Variants in RNF157 observed in about 807,000 individuals in gnomAD.
The protein encoded by RNF157 is E3 ubiquitin ligase RNF157.
In RNF157, 55 loss-of-function variants were observed where a neutral mutation model predicts 88.3. That is an observed-to-expected ratio of 0.62 (90% CI 0.50 to 0.78). RNF157 has a LOEUF of 0.78. Among genes scored for constraint, RNF157 ranks in the 30% least tolerant of loss-of-function variants. RNF157 has a pLI of 0.00. For synonymous variants in RNF157, 334 were observed against 341.2 expected, an observed-to-expected ratio of 0.98 and a Z score of 0.23; for missense variants, 788 against 860.8, an observed-to-expected ratio of 0.92 and a Z score of 1.06.
intron 2 of RNF157, chr17:76,211,803 C>T (rs12601803): frequency 0.3 from 45,300 of 152,138 alleles, 7,381 homozygotes; most frequent in East Asian, 0.46. Context: ...AGAGAAGGTG[C>T]GCAATAGAAA....
intron 1 of RNF157, among the ~76,000 whole-genome samples, chr17:76,225,085 T>A (rs963056391): frequency 4.6e-5 from 7 of 152,138 alleles, no homozygotes; most frequent in Non-Finnish European, 7.4e-5. Context: ...GGCAGAAGAA[T>A]CGCTTGAACC....
At chr17:76,163,385 G>T (rs2068875039) in intron 8 of RNF157, 1 of 152,108 alleles carries the variant, frequency 6.6e-6, no homozygotes, top group African/African-American at 2.4e-5. Flanking sequence ...GGTAGAGACG[G>T]GGTTTCACCA....
intron 2 of RNF157, among the ~76,000 whole-genome samples, chr17:76,194,053 G>GT (rs1014981107): frequency 2.0e-5 from 3 of 152,128 alleles, no homozygotes; most frequent in Admixed American, 6.5e-5. Context: ...GGCACATTCT[G>GT]TTTTTTTGTT....
rs977424554 is a variant in RNF157 at position 76,162,806 on chromosome 17, A to G, written c.721-183T>C. 8.0e-6 allele frequency: 4 copies of G among 497,436 alleles called. No individual in the cohort carries two copies. In the East Asian group the frequency reaches 1.4e-4, roughly 17 times the overall value. The allele number at this position is 497,436 out of a possible 1,614,324, so 30.8% of individuals were successfully genotyped here. On this transcript the variant is annotated intron_variant, in intron 8 of 18. Coordinates refer to ENST00000269391, the MANE Select transcript of RNF157 (RefSeq NM_052916.3). ...ACTTATGTTTTCTCTTTGAGAGAAGAAAGAAAATCAAATATTTAATTCACC... is the reference window on the plus strand; with the variant it reads ...ACTTATGTTTTCTCTTTGAGAGAAGGAAGAAAATCAAATATTTAATTCACC...
chr17:76,223,931 AAC>A (rs1375704057), intron 1 of RNF157, among the ~76,000 whole-genome samples: 1 of 152,232 alleles, frequency 6.6e-6, no homozygotes, highest in African/African-American at 2.4e-5. Context: ...TAAGTATAAT[AAC>A]ACAGGGCAAG....
At chr17:76,210,515 G>A (rs1294249033) in intron 2 of RNF157, among the ~76,000 whole-genome samples, 3 of 144,630 alleles carry the variant, frequency 2.1e-5, no homozygotes, top group Admixed American at 1.4e-4. Flanking sequence ...GCGTGAACCC[G>A]GGAGGCAGAG....
In RNF157 at chr17:76,215,316, A is replaced by T. The variant is rs113224467; in HGVS notation, c.89-2834T>A. ...AAAAACAAAACAAAAAATAAATAAA[A>T]ATACAAAAATTAGTTGGGCATGGTA... On this transcript the variant is annotated intron_variant, in intron 1 of 18. Transcript: ENST00000269391. Among the ~76,000 whole-genome samples, 953 of 152,092 alleles carry T rather than the reference A, an allele frequency of 6.3e-3. 7 individuals are homozygous for T. The highest frequency in any genetic ancestry group is 0.021 in the African/African-American group (883 of 41,484).
chr17:76,145,419 C>T (rs1256834088), intron 18 of RNF157, 66 bp from the exon 19 acceptor site: 2 of 1,209,786 alleles, frequency 1.7e-6, no homozygotes, highest in Non-Finnish European at 2.4e-6. Flanking sequence ...GTGTCTCCAG[C>T]AGGGCAGCCC....
chr17:76,149,038 A>G (rs1246347281), intron 18 of RNF157, among the ~76,000 whole-genome samples: 2 of 152,086 alleles, frequency 1.3e-5, no homozygotes, highest in African/African-American at 4.8e-5. Flanking sequence ...ACACCCATCA[A>G]CTGAGATCTC....
At chr17:76,183,680 G>A (rs1306764593) in intron 2 of RNF157, among the ~76,000 whole-genome samples, 1 of 151,986 alleles carries the variant, frequency 6.6e-6, no homozygotes, top group Admixed American at 6.6e-5. Context: ...AATAATTATA[G>A]CTTTCTACAT....
chr17:76,226,483 C>T, intron 1 of RNF157: 1 of 1,610,896 alleles, frequency 6.2e-7, no homozygotes, highest in South Asian at 1.1e-5. Context: ...GGTCATCTGG[C>T]ATGGTTTCCA....
At chr17:76,235,328 G>C (rs2070263656) in intron 1 of RNF157, among the ~76,000 whole-genome samples, 1 of 151,976 alleles carries the variant, frequency 6.6e-6, no homozygotes, top group African/African-American at 2.4e-5. Context: ...CTCCCGAGTA[G>C]TTGGGACTAC....
At chr17:76,189,883 G>C (rs2069354522) in intron 2 of RNF157, among the ~76,000 whole-genome samples, 1 of 152,178 alleles carries the variant, frequency 6.6e-6, no homozygotes, top group Non-Finnish European at 1.5e-5. Flanking sequence ...GGATGAAAAG[G>C]CATTGCTGGG....
chr17:76,159,714 G>A (rs1419182617), intron 11 of RNF157, 141 bp from the exon 12 acceptor site: 11 of 637,170 alleles, frequency 1.7e-5, no homozygotes, highest in Non-Finnish European at 3.0e-5. Flanking sequence ...ACTAGAGGCA[G>A]AGATAAAATA....
intron 6 of RNF157, among the ~76,000 whole-genome samples, chr17:76,165,952 A>G (rs548355997): frequency 6.6e-6 from 1 of 152,042 alleles, no homozygotes; most frequent in African/African-American, 2.4e-5. Flanking sequence ...TGCTAGGATT[A>G]CAGGGATGAG....
intron 2 of RNF157, among the ~76,000 whole-genome samples, chr17:76,206,488 T>G (rs1170082459): frequency 6.6e-6 from 1 of 152,216 alleles, no homozygotes; most frequent in Non-Finnish European, 1.5e-5. Context: ...AAGCCCAGTT[T>G]ACTACTTAAG....
At chr17:76,185,998 T>C (rs975878939) in intron 2 of RNF157, among the ~76,000 whole-genome samples, 2 of 152,168 alleles carry the variant, frequency 1.3e-5, no homozygotes, top group African/African-American at 4.8e-5. Flanking sequence ...TATTTCTTCC[T>C]AAGCAAGTAT....
intron 2 of RNF157, among the ~76,000 whole-genome samples, chr17:76,209,120 G>A (rs2069732559): frequency 6.6e-6 from 1 of 151,512 alleles, no homozygotes; most frequent in Non-Finnish European, 1.5e-5. Context: ...TGGAGGTCTT[G>A]CTATATTGCT....
chr17:76,158,492 G>C lies in RNF157; in HGVS notation c.1314C>G (p.Ser438=), dbSNP rs1315500309. 1 of 1,612,720 alleles carries C rather than the reference G, an allele frequency of 6.2e-7. No homozygotes were observed. The highest frequency in any genetic ancestry group is 8.5e-7 in the Non-Finnish European group (1 of 1,178,808). ...KLKKSLSKST[S]QNSSVLHEEE... ...CTTCATGCAGCACGGAAGAGTTTTG[G>C]GAAGTGGATCTGTAGGAGTCCAGTG... The change falls in exon 13 of 19, where the codon TCC becomes TCG. Residue 438 remains serine, a synonymous_variant. Transcript: ENST00000269391.
Sources: allele counts gnomAD v4.1 joint callset (sites outside exome capture counted in the v4.1 genomes callset), GRCh38; gene constraint gnomAD v4.1.1; transcripts MANE v1.5; gene names NCBI Gene and HGNC (gene_info 2026-07-23, HGNC 2026-07-21).